Variants in RPS6KA1 observed in about 807,000 individuals in gnomAD.
The protein encoded by RPS6KA1 is ribosomal protein S6 kinase alpha-1.
Under a neutral mutation model 91.3 loss-of-function variants are expected in RPS6KA1, and 48 were observed. The observed-to-expected ratio is 0.53, with a 90% CI of 0.42 to 0.67. The LOEUF (loss-of-function observed/expected upper bound fraction) is 0.67, where lower values mean the gene tolerates loss of function less well. Among genes scored for constraint, RPS6KA1 ranks in the 30% least tolerant of loss-of-function variants. The pLI is 0.00. For synonymous variants in RPS6KA1, 359 were observed against 384.7 expected (o/e 0.93, Z 0.78); for missense variants, 719 against 960.5 (o/e 0.75, Z 3.32).
rs1226527287 is a variant in RPS6KA1 at position 26,571,635 on chromosome 1, G to A, written c.1752+25G>A. ...GGTGAGTGGCCCAGCCTCCTCAGCT[G>A]TAAGAGTGAGGGGGAATTGGAGGCC... On this transcript the variant is annotated intron_variant, in intron 18 of 21. Transcript: ENST00000374168. The surrounding 1 kb of genome is among the most constrained non-coding windows in gnomAD (Gnocchi z 5.1). The A allele has an allele frequency of 4.3e-6, 7 of 1,611,134 alleles. No homozygotes were observed. Among genetic ancestry groups the A allele is most frequent in the South Asian group, 1.1e-5 (1 of 90,716 alleles).
chr1:26,542,849 C>T (rs540945227), intron 2 of RPS6KA1, among the ~76,000 whole-genome samples: 4 of 152,304 alleles, frequency 2.6e-5, no homozygotes, highest in African/African-American at 9.6e-5. Context: ...TGGATGTTTG[C>T]GGGTGCTGAT....
chr1:26,554,375 C>A lies in RPS6KA1; in HGVS notation c.613+124C>A. ...GCCGTGCCAGTTACTTGGAAGTGGTCAAAAACTCAGGCCTCAGACTTGGAA... is the reference window on the plus strand; with the variant it reads ...GCCGTGCCAGTTACTTGGAAGTGGTAAAAAACTCAGGCCTCAGACTTGGAA... On this transcript the variant is annotated intron_variant, in intron 8 of 21. Coordinates refer to ENST00000374168, the MANE Select transcript of RPS6KA1 (RefSeq NM_002953.4). This position sits in a 1 kb window ranked among gnomAD's most constrained non-coding sequence, Gnocchi z 4.6. 5 of 1,203,916 alleles carry A rather than the reference C, an allele frequency of 4.2e-6. No homozygotes were observed. Among genetic ancestry groups the A allele is most frequent in the South Asian group, 1.5e-5 (1 of 67,958 alleles). The allele number at this position is 1,203,916 out of a possible 1,614,324, so 74.6% of individuals were successfully genotyped here. A position where few individuals can be genotyped will look rare whatever the true frequency, so the allele number is the denominator to read the frequency against.
Position 26,551,746 on chromosome 1 carries a change from A to C in RPS6KA1, c.468+23A>C. On this transcript the variant is annotated intron_variant, in intron 6 of 21. Coordinates refer to ENST00000374168, the MANE Select transcript of RPS6KA1 (RefSeq NM_002953.4). The surrounding 1 kb of genome is among the most constrained non-coding windows in gnomAD (Gnocchi z 4.5). ...GAGGTGAGCTGACATCTACTGCCAG[A>C]GGGCCCCGGGATGGAGCTGAGGGAC... The C allele has an allele frequency of 1.9e-6, 3 of 1,601,582 alleles. No homozygotes were observed. The highest frequency in any genetic ancestry group is 2.6e-6 in the Non-Finnish European group (3 of 1,168,538).
Position 26,551,352 on chromosome 1 carries a change from G to T in RPS6KA1, c.308-45G>T. On this transcript the variant is annotated intron_variant, in intron 4 of 21. Coordinates refer to ENST00000374168, the MANE Select transcript of RPS6KA1 (RefSeq NM_002953.4). This position sits in a 1 kb window ranked among gnomAD's most constrained non-coding sequence, Gnocchi z 4.5. ...TTAGCGGGGGCTTGGGAGTGGCTGT[G>T]TTGAGTGTCTAGGCTACTGGTGACT... 6.4e-7 allele frequency: 1 copy of T among 1,566,430 alleles called. No individual in the cohort carries two copies. The highest frequency in any genetic ancestry group is 8.8e-7 in the Non-Finnish European group (1 of 1,137,242).
Position 26,531,035 on chromosome 1 carries a change from C to G in RPS6KA1, c.63+1052C>G, listed in dbSNP as rs2075863508. On this transcript the variant is annotated intron_variant, in intron 1 of 21. Coordinates refer to ENST00000374168, the MANE Select transcript of RPS6KA1 (RefSeq NM_002953.4). Reference sequence around the variant, plus strand: ...CCCTGTCTCAGTCCCCTCCTCTGCCCTCTCTTACCTAGGGCAGCCACCAAG... The same window carrying G: ...CCCTGTCTCAGTCCCCTCCTCTGCCGTCTCTTACCTAGGGCAGCCACCAAG... 3 of 537,744 alleles carry G rather than the reference C, an allele frequency of 5.6e-6. No individual in the cohort carries two copies. In the South Asian group the frequency reaches 1.0e-4, roughly 19 times the overall value. 33.3% of individuals were successfully genotyped at this position (537,744 alleles called of 1,614,324 possible).
At chr1:26,541,335 G>A (rs375486671) in intron 2 of RPS6KA1, among the ~76,000 whole-genome samples, 13 of 150,710 alleles carry the variant, frequency 8.6e-5, no homozygotes, top group African/African-American at 3.2e-4. Flanking sequence ...CGGGCAGATC[G>A]CCTGAGCTCA....
At chr1:26,545,369 G>T (rs1570429856) in intron 2 of RPS6KA1, among the ~76,000 whole-genome samples, 1 of 137,888 alleles carries the variant, frequency 7.3e-6, no homozygotes, top group Non-Finnish European at 1.5e-5. Context: ...GTAGAGACAG[G>T]GTTTCATCAT....
At chr1:26,563,750 A>G (rs1361754268) in intron 17 of RPS6KA1, among the ~76,000 whole-genome samples, 1 of 152,138 alleles carries the variant, frequency 6.6e-6, no homozygotes, top group Non-Finnish European at 1.5e-5. Context: ...TCCATTGTCT[A>G]TATTTCCTGT....
At chr1:26,538,495 G>A (rs1170272378) in intron 2 of RPS6KA1, among the ~76,000 whole-genome samples, 1 of 152,176 alleles carries the variant, frequency 6.6e-6, no homozygotes. Flanking sequence ...GAAGATCCTG[G>A]GGTAGGAAGA....
intron 2 of RPS6KA1, among the ~76,000 whole-genome samples, chr1:26,544,631 C>A (rs1570428781): frequency 2.0e-5 from 3 of 152,112 alleles, no homozygotes; most frequent in Admixed American, 6.6e-5. Flanking sequence ...CCCACCACCA[C>A]GCCCAGCTAA....
In RPS6KA1 at chr1:26,571,762, C is replaced by T. The variant is rs1210035187; in HGVS notation, c.1753-87C>T. ...TCTAGCCTGTGCCTGGGACCCTTGT[C>T]CTGCCCTTGAGGGGAGTAGCAGGAA... On this transcript the variant is annotated intron_variant, in intron 18 of 21. Coordinates refer to ENST00000374168, the MANE Select transcript of RPS6KA1 (RefSeq NM_002953.4). The surrounding 1 kb of genome is among the most constrained non-coding windows in gnomAD (Gnocchi z 5.1). 5 of 1,498,224 alleles carry T rather than the reference C, an allele frequency of 3.3e-6. No individual in the cohort carries two copies. The highest frequency in any genetic ancestry group is 1.9e-5 in the Admixed American group (1 of 52,506). The allele number at this position is 1,498,224 out of a possible 1,614,324, so 92.8% of individuals were successfully genotyped here. A position where few individuals can be genotyped will look rare whatever the true frequency, so the allele number is the denominator to read the frequency against.
At position 26,555,012 on chromosome 1, in the gene RPS6KA1, G is replaced by A. The variant is rs1213552687; in HGVS notation, c.757-139G>A. 8 of 913,900 alleles carry A rather than the reference G, an allele frequency of 8.8e-6. No homozygotes were observed. Among genetic ancestry groups the A allele is most frequent in the African/African-American group, 3.3e-5 (2 of 60,640 alleles). 56.6% of individuals were successfully genotyped at this position (913,900 alleles called of 1,614,324 possible). A position where few individuals can be genotyped will look rare whatever the true frequency, so the allele number is the denominator to read the frequency against. ...TCTGGTTGGCAGAGGCAAGAGGGAC[G>A]GGCATAATTCTTGCTCCAGGCTGAC... On this transcript the variant is annotated intron_variant, in intron 9 of 21. Transcript: ENST00000374168. This position sits in a 1 kb window ranked among gnomAD's most constrained non-coding sequence, Gnocchi z 4.3.
At chr1:26,552,677 G>C (rs931185397) in intron 6 of RPS6KA1, 1 of 220,560 alleles carries the variant, frequency 4.5e-6, no homozygotes, top group Non-Finnish European at 9.2e-6. Flanking sequence ...GGTAGAGACA[G>C]GGTTTCTCCA....
At position 26,556,982 on chromosome 1, in the gene RPS6KA1, C is replaced by G. The variant is rs1481056714; in HGVS notation, c.982-16C>G. ...GAGGATGCCATGGTGACCAGAGTGC[C>G]CACCCCACTGTGCAGAAGCTATACC... On this transcript the variant is annotated splice_polypyrimidine_tract_variant and intron_variant, in intron 12 of 21. Coordinates refer to ENST00000374168, the MANE Select transcript of RPS6KA1 (RefSeq NM_002953.4). 6.3e-7 allele frequency: 1 copy of G among 1,597,440 alleles called. No homozygotes were observed. The highest frequency in any genetic ancestry group is 1.7e-4 in the Middle Eastern group (1 of 6,036).
At chr1:26,548,951 G>A (rs2076021282) in intron 4 of RPS6KA1, among the ~76,000 whole-genome samples, 1 of 151,840 alleles carries the variant, frequency 6.6e-6, no homozygotes, top group East Asian at 1.9e-4. Context: ...TAGAAGGTGT[G>A]TTGGAAGGCA....
chr1:26,571,525 G>C lies in RPS6KA1; in HGVS notation c.1667G>C (p.Cys556Ser). ...GGGAATCCCGAGTGCCTGCGCATCT[G>C]TGACTTTGGTTTTGCCAAACAGCTG... ...ESGNPECLRICDFGFAKQLRA... is the reference protein window; with the variant it reads ...ESGNPECLRISDFGFAKQLRA... Residue 556 changes from cysteine (C) to serine (S), a missense_variant, in exon 18 of 22, where the codon TGT becomes TCT. Transcript: ENST00000374168. The surrounding 1 kb of genome is among the most constrained non-coding windows in gnomAD (Gnocchi z 5.1). 6.2e-7 allele frequency: 1 copy of C among 1,614,220 alleles called. No homozygotes were observed. Among genetic ancestry groups the C allele is most frequent in the Non-Finnish European group, 8.5e-7 (1 of 1,180,034 alleles).
chr1:26,553,150 A>G (rs1161139462), intron 6 of RPS6KA1, among the ~76,000 whole-genome samples: 1 of 152,074 alleles, frequency 6.6e-6, no homozygotes, highest in Non-Finnish European at 1.5e-5. Flanking sequence ...CCAGCCTTCT[A>G]CTCTTGGACC....
chr1:26,564,449 G>A (rs948804544), intron 17 of RPS6KA1, among the ~76,000 whole-genome samples: 1 of 152,014 alleles, frequency 6.6e-6, no homozygotes, highest in African/African-American at 2.4e-5. Flanking sequence ...TAGTAGAGAC[G>A]GGGTTTCACC....
At chr1:26,573,129 C>T (rs570703419) in intron 20 of RPS6KA1, 95 bp from the exon 21 acceptor site, 43 of 1,334,122 alleles carry the variant, frequency 3.2e-5, no homozygotes, top group South Asian at 2.9e-4. Context: ...AGGGTTCAGG[C>T]GGGAGCTAGC....
Sources: allele counts gnomAD v4.1 joint callset (sites outside exome capture counted in the v4.1 genomes callset), GRCh38; gene constraint gnomAD v4.1.1; non-coding constraint Gnocchi (gnomAD v3.1); transcripts MANE v1.5; gene names NCBI Gene and HGNC (gene_info 2026-07-23, HGNC 2026-07-21).